FOXO3: variants seen among roughly 807,000 people sequenced by gnomAD.
FOXO3 encodes the protein forkhead box protein O3.
A neutral mutation model predicts 41.9 loss-of-function variants in FOXO3; 4 were observed. The observed-to-expected ratio is 0.10, with a 90% CI of 0.05 to 0.22. The LOEUF (loss-of-function observed/expected upper bound fraction) is 0.22, where lower values mean the gene tolerates loss of function less well. Ranked by LOEUF, FOXO3 falls within the 10% of genes least tolerant of loss-of-function variation. The pLI is 1.00. For synonymous variants in FOXO3, 318 were observed against 389.3 expected, an observed-to-expected ratio of 0.82 and a Z score of 2.16; for missense variants, 534 against 906.8, an observed-to-expected ratio of 0.59 and a Z score of 5.28.
At chr6:108,675,341 C>A (rs1770542659) in intron 2 of FOXO3, among the ~76,000 whole-genome samples, 1 of 152,162 alleles carries the variant, frequency 6.6e-6, no homozygotes, top group East Asian at 1.9e-4. Context: ...GGGCAGTCCA[C>A]TCCAGGTCTA....
intron 1 of FOXO3, among the ~76,000 whole-genome samples, chr6:108,588,891 A>G (rs898561403): frequency 6.6e-6 from 1 of 152,238 alleles, no homozygotes; most frequent in Non-Finnish European, 1.5e-5. Context: ...TTCTCAAGCA[A>G]CTGGAATATG....
chr6:108,641,041 C>G (rs1158794841), intron 1 of FOXO3, among the ~76,000 whole-genome samples: 1 of 152,062 alleles, frequency 6.6e-6, no homozygotes, highest in Non-Finnish European at 1.5e-5. Context: ...TCCTGAATAG[C>G]TGGGGTTACA....
chr6:108,591,681 C>A (rs1354066785), intron 1 of FOXO3, among the ~76,000 whole-genome samples: 1 of 152,094 alleles, frequency 6.6e-6, no homozygotes, highest in Non-Finnish European at 1.5e-5. Context: ...CTCAAGTTAT[C>A]GTTTTTCTTT....
chr6:108,631,703 C>T (rs182236673), intron 1 of FOXO3, among the ~76,000 whole-genome samples: 58 of 152,230 alleles, frequency 3.8e-4, no homozygotes, highest in African/African-American at 1.3e-3. Context: ...ATAACATGGG[C>T]ATATGCTTAC....
chr6:108,587,324 G>A (rs1776608597), intron 1 of FOXO3, among the ~76,000 whole-genome samples: 1 of 152,106 alleles, frequency 6.6e-6, no homozygotes. Flanking sequence ...AGAAGCCTCT[G>A]TGTGACAGAT....
chr6:108,560,009 A>C (rs558214596), upstream of FOXO3: 1 of 151,668 alleles, frequency 6.6e-6, no homozygotes, highest in Admixed American at 6.6e-5. Flanking sequence ...GAAGGGAAGG[A>C]AGCGAGGTAG....
chr6:108,575,792 A>C (rs1311089572), intron 1 of FOXO3, among the ~76,000 whole-genome samples: 1 of 152,198 alleles, frequency 6.6e-6, no homozygotes, highest in African/African-American at 2.4e-5. Flanking sequence ...GCCATGTGTG[A>C]ATATACCTGT....
intron 1 of FOXO3, among the ~76,000 whole-genome samples, chr6:108,593,375 C>T (rs1423077219): frequency 1.3e-5 from 2 of 151,718 alleles, no homozygotes; most frequent in Non-Finnish European, 2.9e-5. Flanking sequence ...TTTTCCTTTG[C>T]TGTGTATTTC....
chr6:108,639,653 C>A (rs1778202943), intron 1 of FOXO3: 1 of 759,278 alleles, frequency 1.3e-6, no homozygotes, highest in Non-Finnish European at 1.6e-6. Flanking sequence ...CCTCCCCCTG[C>A]TGAAAATAAA....
At chr6:108,660,063 C>T (rs189880799) in intron 1 of FOXO3, among the ~76,000 whole-genome samples, 41 of 152,240 alleles carry the variant, frequency 2.7e-4, no homozygotes, top group Non-Finnish European at 4.0e-4. Flanking sequence ...CAGAATCTAA[C>T]GCAGAGGGGG....
intron 1 of FOXO3, among the ~76,000 whole-genome samples, chr6:108,653,324 G>T (rs1362614121): frequency 2.6e-5 from 4 of 152,184 alleles, no homozygotes; most frequent in Non-Finnish European, 5.9e-5. Flanking sequence ...TCTGCCGGGT[G>T]CTAAAGCTAT....
chr6:108,562,513 G>A (rs1187006461), intron 1 of FOXO3, among the ~76,000 whole-genome samples: 1 of 152,072 alleles, frequency 6.6e-6, no homozygotes, highest in African/African-American at 2.4e-5. Flanking sequence ...CTGGGGCCTC[G>A]AACCGGCCGG....
intron 1 of FOXO3, among the ~76,000 whole-genome samples, chr6:108,589,364 GA>G (rs1350331948): frequency 1.6e-4 from 25 of 152,150 alleles, no homozygotes; most frequent in Non-Finnish European, 3.4e-4. Flanking sequence ...GGGCTACACA[GA>G]CACAAGCACA....
intron 1 of FOXO3, among the ~76,000 whole-genome samples, chr6:108,661,622 T>A (rs1018685557): frequency 6.6e-6 from 1 of 152,238 alleles, no homozygotes; most frequent in Non-Finnish European, 1.5e-5. Flanking sequence ...ATATATCATG[T>A]GTCACCCTTA....
chr6:108,562,429 C>A (rs1391740265), intron 1 of FOXO3, among the ~76,000 whole-genome samples: 2 of 152,200 alleles, frequency 1.3e-5, no homozygotes, highest in Admixed American at 6.5e-5. Context: ...CTTTCCTTGC[C>A]TATATTGATA....
At chr6:108,648,068 G>GGC (rs1369607777) in intron 1 of FOXO3, among the ~76,000 whole-genome samples, 2 of 152,196 alleles carry the variant, frequency 1.3e-5, no homozygotes, top group African/African-American at 4.8e-5. Context: ...AAGTCACTGT[G>GGC]GCGAGGGGAG....
rs370701224 is a variant in FOXO3, at chr6:108,663,754, G to A, written c.921G>A (p.Thr307=). 4.7e-5 allele frequency: 76 copies of A among 1,613,702 alleles called. No homozygotes were observed. Among genetic ancestry groups the A allele is most frequent in the African/African-American group, 1.1e-4 (8 of 74,922 alleles). The change falls in exon 2 of 3, where the codon ACG becomes ACA. Residue 307 remains threonine, a synonymous_variant. Transcript: ENST00000406360. ...SRSSDELDAW[T]DFRSRTNSNA... Reference sequence around the variant, plus strand: ...GCAGTGATGAGCTGGATGCGTGGACGGACTTCCGTTCACGCACCAATTCTA... The same window carrying A: ...GCAGTGATGAGCTGGATGCGTGGACAGACTTCCGTTCACGCACCAATTCTA...
intron 1 of FOXO3, among the ~76,000 whole-genome samples, chr6:108,653,613 C>G (rs1307704012): frequency 6.6e-6 from 1 of 152,094 alleles, no homozygotes; most frequent in Non-Finnish European, 1.5e-5. Flanking sequence ...CTCCATGTTC[C>G]CCAGCTATTG....
chr6:108,645,897 T>C (rs976349795), intron 1 of FOXO3, among the ~76,000 whole-genome samples: 2 of 152,320 alleles, frequency 1.3e-5, no homozygotes, highest in East Asian at 3.9e-4. Flanking sequence ...AGAGATAACA[T>C]GCAGGAGGGC....
Sources: allele counts gnomAD v4.1 joint callset (sites outside exome capture counted in the v4.1 genomes callset), GRCh38; gene constraint gnomAD v4.1.1; transcripts MANE v1.5; gene names NCBI Gene and HGNC (gene_info 2026-07-23, HGNC 2026-07-21).